Variants in HIVEP3 observed in about 807,000 individuals in gnomAD.
The protein encoded by HIVEP3 is HIVEP zinc finger 3, also known as transcription factor HIVEP3.
Under a neutral mutation model 152.8 loss-of-function variants are expected in HIVEP3, and 49 were observed. The observed-to-expected ratio is 0.32, with a 90% confidence interval of 0.26 to 0.41. HIVEP3 has a LOEUF of 0.41. Ranked by LOEUF, HIVEP3 falls within the 10% of genes least tolerant of loss-of-function variation. The pLI, the probability that HIVEP3 is intolerant of heterozygous loss-of-function variation, is 1.00. For missense variants in HIVEP3, 2,790 were observed against 3,103.3 expected (o/e 0.90, Z 2.40); for synonymous variants, 1,269 against 1,289.0 (o/e 0.98, Z 0.33).
intron 1 of HIVEP3, among the ~76,000 whole-genome samples, chr1:41,834,811 A>G (rs1291435407): frequency 1.3e-5 from 2 of 152,176 alleles, no homozygotes; most frequent in Admixed American, 6.5e-5. Context: ...AAGATGAGAG[A>G]ATGAAGTGTT....
At chr1:41,865,039 A>G (rs962040630) in intron 1 of HIVEP3, among the ~76,000 whole-genome samples, 5 of 152,244 alleles carry the variant, frequency 3.3e-5, no homozygotes, top group Non-Finnish European at 5.9e-5. Flanking sequence ...AGCTTGTCAT[A>G]AAGTACACAA....
At chr1:41,780,337 G>C (rs959448843) in intron 1 of HIVEP3, among the ~76,000 whole-genome samples, 6 of 152,212 alleles carry the variant, frequency 3.9e-5, no homozygotes, top group Admixed American at 3.3e-4. Context: ...GGGAGCACCA[G>C]GTGCTGAAAG....
rs535624999 is a variant in HIVEP3, at chr1:41,858,685, G to A, written c.-801+59728C>T. Reference sequence around the variant, plus strand: ...CCATAGAGCTTACAATCCAGCGGGTGAAACAGTGTCAGATAATGTCAGAGA... The same window carrying A: ...CCATAGAGCTTACAATCCAGCGGGTAAAACAGTGTCAGATAATGTCAGAGA... On this transcript the variant is annotated intron_variant, in intron 1 of 8. Coordinates refer to ENST00000372583, the MANE Select transcript of HIVEP3 (RefSeq NM_024503.5). 4.0e-4 allele frequency among the ~76,000 whole-genome samples: 61 copies of A among 152,324 alleles called. 1 individual carries two copies. The highest frequency in any genetic ancestry group is 1.4e-3 in the African/African-American group (59 of 41,572).
chr1:41,954,058 G>T (rs1324751960), intron 1 of HIVEP3, among the ~76,000 whole-genome samples: 1 of 152,194 alleles, frequency 6.6e-6, no homozygotes, highest in Non-Finnish European at 1.5e-5. Context: ...ACCACCCGAG[G>T]TGACACATCT....
chr1:41,750,719 A>G (rs1647147048), intron 1 of HIVEP3, among the ~76,000 whole-genome samples: 1 of 79,338 alleles, frequency 1.3e-5, no homozygotes, highest in African/African-American at 3.4e-5. Context: ...TTTTTTTTTG[A>G]CACGCGTCTC....
chr1:41,874,961 TTCCG>T (rs1291394792), intron 1 of HIVEP3, among the ~76,000 whole-genome samples: 3 of 152,192 alleles, frequency 2.0e-5, no homozygotes, highest in Admixed American at 6.5e-5. Context: ...CAGATCTGCC[TTCCG>T]CCCTCGCCAC....
intron 1 of HIVEP3, among the ~76,000 whole-genome samples, chr1:41,958,689 G>A (rs1645153401): frequency 6.6e-6 from 1 of 152,162 alleles, no homozygotes; most frequent in Non-Finnish European, 1.5e-5. Context: ...CCCAAGGCTT[G>A]GCTTGGCTCA....
At chr1:41,698,455 T>C (rs917749427) in intron 2 of HIVEP3, among the ~76,000 whole-genome samples, 1 of 152,198 alleles carries the variant, frequency 6.6e-6, no homozygotes, top group Non-Finnish European at 1.5e-5. Flanking sequence ...CATTAGAGGT[T>C]GTCTATCTGG....
chr1:41,906,681 T>C (rs1359838629), intron 1 of HIVEP3, among the ~76,000 whole-genome samples: 2 of 152,198 alleles, frequency 1.3e-5, no homozygotes, highest in Admixed American at 6.5e-5. Flanking sequence ...TTTTATTACA[T>C]GTAAATTATA....
intron 3 of HIVEP3, among the ~76,000 whole-genome samples, chr1:41,622,787 G>A (rs1261087301): frequency 2.0e-5 from 3 of 152,226 alleles, no homozygotes; most frequent in Non-Finnish European, 4.4e-5. Context: ...CCAGGGGAAA[G>A]GGAAGGTGGC....
intron 1 of HIVEP3, among the ~76,000 whole-genome samples, chr1:41,719,199 G>T (rs2124164810): frequency 6.6e-6 from 1 of 152,282 alleles, no homozygotes. Context: ...GGGAGGATTT[G>T]ACCATATAAT....
At chr1:41,527,885 T>C (rs1394582867) in intron 5 of HIVEP3, among the ~76,000 whole-genome samples, 1 of 68,670 alleles carries the variant, frequency 1.5e-5, no homozygotes, top group African/African-American at 5.8e-5. Context: ...ACATTCACAC[T>C]CACACCCCAC....
Position 41,814,324 on chromosome 1 carries a change from G to A in HIVEP3, c.-801+104089C>T, listed in dbSNP as rs139612667. On this transcript the variant is annotated intron_variant, in intron 1 of 8. Transcript: ENST00000372583. ...CAGAGCCACAGGAGAGTGGGGTCAC[G>A]TGGGGACAGTTCTTCCCCTCTCCCT... Among the ~76,000 whole-genome samples, 645 of 152,308 alleles carry A rather than the reference G, an allele frequency of 4.2e-3. 9 individuals are homozygous for A. The highest frequency in any genetic ancestry group is 0.015 in the African/African-American group (623 of 41,572).
intron 1 of HIVEP3, among the ~76,000 whole-genome samples, chr1:41,834,131 T>C (rs1376185518): frequency 6.6e-6 from 1 of 152,182 alleles, no homozygotes; most frequent in African/African-American, 2.4e-5. Flanking sequence ...GGGCTGGGTC[T>C]AGCATAACAC....
At chr1:41,968,816 A>C (rs1645213307) in intron 1 of HIVEP3, among the ~76,000 whole-genome samples, 1 of 152,152 alleles carries the variant, frequency 6.6e-6, no homozygotes, top group Non-Finnish European at 1.5e-5. Flanking sequence ...AACACCATCA[A>C]CTTAGCCCAA....
At chr1:41,536,381 G>A (rs942474277) in intron 5 of HIVEP3, among the ~76,000 whole-genome samples, 6 of 152,182 alleles carry the variant, frequency 3.9e-5, no homozygotes, top group African/African-American at 1.2e-4. Context: ...ATTAGCTTGT[G>A]TATGAGTGTC....
At chr1:41,862,515 C>A (rs1179638293) in intron 1 of HIVEP3, among the ~76,000 whole-genome samples, 1 of 152,136 alleles carries the variant, frequency 6.6e-6, no homozygotes, top group African/African-American at 2.4e-5. Flanking sequence ...TCTTTGCCAC[C>A]CAGCACCTCC....
At chr1:41,828,875 A>G (rs954885333) in intron 1 of HIVEP3, among the ~76,000 whole-genome samples, 5 of 152,238 alleles carry the variant, frequency 3.3e-5, no homozygotes, top group African/African-American at 1.2e-4. Flanking sequence ...AGTTCATGGC[A>G]TGTTTTATCT....
chr1:41,724,896 T>G (rs1381418030), intron 1 of HIVEP3, among the ~76,000 whole-genome samples: 4 of 152,190 alleles, frequency 2.6e-5, no homozygotes, highest in Admixed American at 2.6e-4. Context: ...TGTGAATGAC[T>G]CCGGTTGTGC....
Sources: gnomAD v4.1 joint callset for allele counts (sites outside exome capture counted in the v4.1 genomes callset) on GRCh38, gnomAD v4.1.1 for gene constraint, MANE v1.5 for transcripts, NCBI Gene and HGNC (gene_info 2026-07-23, HGNC 2026-07-21) for gene names.